The following PATJ variants were observed in gnomAD, a reference collection of about 807,000 sequenced individuals.
PATJ encodes PATJ crumbs cell polarity complex component, also known as inaD-like protein.
In PATJ, 190 loss-of-function variants were observed where a neutral mutation model predicts 224.9. The ratio of observed to expected loss-of-function variants is 0.84; its 90% CI spans 0.75 to 0.95. The LOEUF (loss-of-function observed/expected upper bound fraction) is 0.95. PATJ is among the 40% of genes least tolerant of loss of function. The probability of loss-of-function intolerance (pLI) is 0.00; values close to 1 mark genes in which losing one functional copy is unlikely to be tolerated. For synonymous variants in PATJ, 769 were observed against 820.3 expected (o/e 0.94, Z 1.07); for missense variants, 2,121 against 2,270.3 (o/e 0.93, Z 1.34).
At chr1:61,785,898 G>T (rs1331210026) in intron 7 of PATJ, among the ~76,000 whole-genome samples, 1 of 152,138 alleles carries the variant, frequency 6.6e-6, no homozygotes, top group Non-Finnish European at 1.5e-5. Flanking sequence ...GGGCAACAGA[G>T]TGGGTCTCTA....
intron 14 of PATJ, among the ~76,000 whole-genome samples, chr1:61,814,822 T>C (rs76921995): frequency 0.026 from 3,981 of 152,280 alleles, 84 homozygotes; most frequent in South Asian, 0.042. Context: ...TAGTAAAGGT[T>C]GCCTAGGTTG....
chr1:62,053,294 C>T (rs1653971713), intron 31 of PATJ, among the ~76,000 whole-genome samples: 1 of 152,202 alleles, frequency 6.6e-6, no homozygotes, highest in Admixed American at 6.5e-5. Flanking sequence ...ACCATCTGTC[C>T]TTTTGGTTCT....
chr1:62,103,902 C>T (rs945174560), intron 33 of PATJ, among the ~76,000 whole-genome samples: 2 of 152,136 alleles, frequency 1.3e-5, no homozygotes, highest in East Asian at 3.8e-4. Context: ...GTCCCACGGC[C>T]AACAGTAGCA....
chr1:61,990,750 G>A (rs1304814209), intron 28 of PATJ, among the ~76,000 whole-genome samples: 1 of 151,936 alleles, frequency 6.6e-6, no homozygotes, highest in African/African-American at 2.4e-5. Flanking sequence ...TCAGTTTTTT[G>A]GGGGGAAGTG....
intron 33 of PATJ, among the ~76,000 whole-genome samples, chr1:62,107,185 A>G (rs1416349840): frequency 2.0e-5 from 3 of 152,050 alleles, no homozygotes; most frequent in Non-Finnish European, 4.4e-5. Context: ...GGGCACCTGT[A>G]GTCCCAGCTA....
chr1:62,113,231 A>C (rs1664063054), intron 34 of PATJ, among the ~76,000 whole-genome samples: 1 of 152,178 alleles, frequency 6.6e-6, no homozygotes, highest in African/African-American at 2.4e-5. Flanking sequence ...GTGCTCACTG[A>C]GAACCAGATT....
chr1:61,848,946 C>T (rs191970243), intron 17 of PATJ, among the ~76,000 whole-genome samples: 2 of 152,200 alleles, frequency 1.3e-5, no homozygotes, highest in Admixed American at 1.3e-4. Context: ...ATTCTCTTAT[C>T]CAATATTACA....
chr1:61,917,821 A>T (rs2498953), intron 26 of PATJ, among the ~76,000 whole-genome samples: 5,601 of 152,232 alleles, frequency 0.037, 322 homozygotes, highest in African/African-American at 0.12. Context: ...TGGGAGGCCA[A>T]CGTGGGCGAA....
Position 61,962,657 on chromosome 1 carries a change from A to G in PATJ, c.3671-27511A>G, listed in dbSNP as rs143490236. ...AACAGGAGGACTAATTAGAAGATATATTCTTAAGGATTAAGTTTGACTCTG... is the reference window on the plus strand; with the variant it reads ...AACAGGAGGACTAATTAGAAGATATGTTCTTAAGGATTAAGTTTGACTCTG... On this transcript the variant is annotated intron_variant, in intron 27 of 43. Transcript: ENST00000642238. 1.7e-3 allele frequency among the ~76,000 whole-genome samples: 252 copies of G among 152,354 alleles called. 1 individual carries two copies. Among genetic ancestry groups the G allele is most frequent in the African/African-American group, 5.8e-3 (243 of 41,576 alleles).
chr1:61,883,925 A>T (rs1182853430), intron 21 of PATJ, among the ~76,000 whole-genome samples: 3 of 151,330 alleles, frequency 2.0e-5, no homozygotes, highest in Non-Finnish European at 4.4e-5. Context: ...TAAGTTGATA[A>T]GAGAAAATGT....
At chr1:62,066,220 A>G (rs941411556) in intron 31 of PATJ, among the ~76,000 whole-genome samples, 2 of 152,136 alleles carry the variant, frequency 1.3e-5, no homozygotes, top group African/African-American at 4.8e-5. Context: ...AAGTGCATCA[A>G]TTTGTATCTT....
intron 33 of PATJ, 98 bp downstream of exon 33, chr1:62,084,746 A>G (rs1294985841): frequency 5.1e-6 from 6 of 1,179,656 alleles, no homozygotes; most frequent in Non-Finnish European, 7.4e-6. Context: ...TGCCTTTTTC[A>G]TAGTATGAGG....
intron 10 of PATJ, among the ~76,000 whole-genome samples, chr1:61,796,757 C>A: frequency 7.5e-6 from 1 of 133,604 alleles, no homozygotes. Flanking sequence ...TTCTTCCTTT[C>A]TTCCTTTCTA....
intron 41 of PATJ, among the ~76,000 whole-genome samples, chr1:62,146,150 G>A (rs78291008): frequency 0.013 from 2,018 of 152,166 alleles, 22 homozygotes; most frequent in Non-Finnish European, 0.022. Context: ...AACGTGCCAG[G>A]CAGAAGGCAC....
At chr1:62,118,496 C>T (rs1453705381) in intron 37 of PATJ, among the ~76,000 whole-genome samples, 1 of 152,118 alleles carries the variant, frequency 6.6e-6, no homozygotes, top group Non-Finnish European at 1.5e-5. Flanking sequence ...GGGAAAATAG[C>T]ATACACAAAG....
intron 7 of PATJ, among the ~76,000 whole-genome samples, chr1:61,786,101 A>C (rs1027594838): frequency 3.9e-5 from 6 of 152,208 alleles, no homozygotes; most frequent in Non-Finnish European, 8.8e-5. Context: ...TGCTCACCGC[A>C]ACCTCCGCCT....
At chr1:61,796,718 CT>C (rs1161042986) in intron 10 of PATJ, among the ~76,000 whole-genome samples, 4 of 36,166 alleles carry the variant, frequency 1.1e-4, no homozygotes, top group Admixed American at 4.4e-4. Context: ...TTCTTTCTTT[CT>C]TTCTTTTTCT....
At chr1:62,084,764 G>A in intron 33 of PATJ, 116 bp downstream of exon 33, 2 of 1,044,366 alleles carry the variant, frequency 1.9e-6, no homozygotes, top group East Asian at 2.4e-5. Flanking sequence ...AGGAGAAAAT[G>A]TGATTATAAA....
chr1:61,954,231 T>TCGA (rs1267941728), intron 27 of PATJ, among the ~76,000 whole-genome samples: 1 of 152,248 alleles, frequency 6.6e-6, no homozygotes, highest in Non-Finnish European at 1.5e-5. Flanking sequence ...TATGACTTAG[T>TCGA]CTATCTTATA....
Sources: gnomAD v4.1 joint callset for allele counts (sites outside exome capture counted in the v4.1 genomes callset) on GRCh38, gnomAD v4.1.1 for gene constraint, MANE v1.5 for transcripts, NCBI Gene and HGNC (gene_info 2026-07-23, HGNC 2026-07-21) for gene names.